LARS2: variants seen among roughly 807,000 people sequenced by gnomAD.
LARS2 encodes the protein leucyl-tRNA synthetase 2, mitochondrial.
LARS2 carries 81 observed loss-of-function variants against 116.6 expected under a neutral mutation model. That is an observed-to-expected ratio of 0.69 (90% confidence interval 0.58 to 0.84). LARS2 has a LOEUF of 0.84. Ranked by LOEUF, LARS2 falls within the 40% of genes least tolerant of loss-of-function variation. LARS2 has a pLI of 0.00. For synonymous variants in LARS2, 396 were observed against 407.2 expected, an observed-to-expected ratio of 0.97 and a Z score of 0.33; for missense variants, 968 against 1,114.5, an observed-to-expected ratio of 0.87 and a Z score of 1.87.
intron 13 of LARS2, among the ~76,000 whole-genome samples, chr3:45,494,498 G>A (rs1559487282): frequency 6.6e-6 from 1 of 152,154 alleles, no homozygotes; most frequent in Non-Finnish European, 1.5e-5. Context: ...CGCAATATTT[G>A]GAGGGGCGAT....
chr3:45,491,746 A>G lies in LARS2; in HGVS notation c.1469A>G (p.Lys490Arg). Residue 490 changes from lysine (K) to arginine (R), a missense_variant, in exon 13 of 22, where the codon AAG becomes AGG. By Grantham distance (26) the Lys-to-Arg change is conservative (BLOSUM62 2). Transcript: ENST00000645846. ...CCCAACATCGCGTCTTTCACTGGCAAGGGAGGCCCCCCACTGGCCATGGCT... is the reference window on the plus strand; with the variant it reads ...CCCAACATCGCGTCTTTCACTGGCAGGGGAGGCCCCCCACTGGCCATGGCT... Reference protein sequence around the residue: ...TLPNIASFTGKGGPPLAMASE... With the variant: ...TLPNIASFTGRGGPPLAMASE... 1 of 1,613,814 alleles carries G rather than the reference A, an allele frequency of 6.2e-7. No homozygotes were observed. The highest frequency in any genetic ancestry group is 8.5e-7 in the Non-Finnish European group (1 of 1,179,754).
chr3:45,446,495 C>A (rs1699021083), intron 6 of LARS2, among the ~76,000 whole-genome samples: 1 of 152,192 alleles, frequency 6.6e-6, no homozygotes, highest in Non-Finnish European at 1.5e-5. Context: ...AAATATTCCT[C>A]ATGAATTTTG....
At position 45,505,566 on chromosome 3, in the gene LARS2, T is replaced by C. The variant is rs549589644; in HGVS notation, c.1760+4987T>C. Among the ~76,000 whole-genome samples the C allele has an allele frequency of 5.5e-4, 84 of 151,504 alleles. 2 individuals are homozygous for C. The highest frequency in any genetic ancestry group is 3.5e-3 in the Middle Eastern group (1 of 288). ...ATGAGCCAGGTGTGGTGGTGCACAC[T>C]TGTAGTCCCAGCTACTTGGGAGTCT... is the stretch of plus-strand genomic sequence containing the variant. On this transcript the variant is annotated intron_variant, in intron 15 of 21. Coordinates refer to ENST00000645846, the MANE Select transcript of LARS2 (RefSeq NM_015340.4).
chr3:45,391,469 G>A (rs1241630780), intron 1 of LARS2, 114 bp from the exon 2 acceptor site: 1 of 148,264 alleles, frequency 6.7e-6, no homozygotes, highest in Admixed American at 6.7e-5. Context: ...TTGCGACAGT[G>A]CGACACTCTG....
At chr3:45,443,251 T>C (rs1698945125) in intron 6 of LARS2, among the ~76,000 whole-genome samples, 2 of 152,316 alleles carry the variant, frequency 1.3e-5, no homozygotes, top group Admixed American at 1.3e-4. Context: ...AATATGAAAA[T>C]AGACTCTTGA....
At position 45,485,992 on chromosome 3, in the gene LARS2, T is replaced by C. The variant is rs7612869; in HGVS notation, c.1123+196T>C. ...TTTTGAAAATATACTAGGTATATTGTACTTTGCTCGTTGCTACTGAGAATA... is the reference window on the plus strand; with the variant it reads ...TTTTGAAAATATACTAGGTATATTGCACTTTGCTCGTTGCTACTGAGAATA... On this transcript the variant is annotated intron_variant, in intron 11 of 21. Transcript: ENST00000645846. Among the ~76,000 whole-genome samples the C allele has an allele frequency of 0.84, 127,663 of 151,952 alleles. 56,038 individuals are homozygous for C. Among genetic ancestry groups the C allele is most frequent in the East Asian group, 0.98 (5,055 of 5,180 alleles).
chr3:45,512,869 A>T (rs1383864621), intron 15 of LARS2, among the ~76,000 whole-genome samples: 1 of 152,180 alleles, frequency 6.6e-6, no homozygotes, highest in African/African-American at 2.4e-5. Context: ...AACTTTTTTT[A>T]GGCCAGGTGG....
At chr3:45,394,291 T>C in intron 2 of LARS2, 142 bp from the exon 3 acceptor site, 2 of 598,842 alleles carry the variant, frequency 3.3e-6, no homozygotes, top group South Asian at 4.3e-5. Context: ...ATTGAATTGC[T>C]AAAGTATTCT....
At chr3:45,393,280 AAAG>A (rs1697988841) in intron 2 of LARS2, among the ~76,000 whole-genome samples, 1 of 152,302 alleles carries the variant, frequency 6.6e-6, no homozygotes, top group East Asian at 1.9e-4. Flanking sequence ...AAGTGCTACG[AAAG>A]AAGGGACTCT....
intron 3 of LARS2, among the ~76,000 whole-genome samples, chr3:45,395,310 T>C (rs1201936298): frequency 6.6e-6 from 1 of 152,172 alleles, no homozygotes; most frequent in East Asian, 1.9e-4. Context: ...GCTACATGAG[T>C]TAGTGGACCC....
chr3:45,525,171 T>C (rs1700514994), intron 20 of LARS2, among the ~76,000 whole-genome samples: 1 of 152,216 alleles, frequency 6.6e-6, no homozygotes, highest in African/African-American at 2.4e-5. Flanking sequence ...TGAGACTTAT[T>C]TTTCCAGGGT....
chr3:45,454,668 C>T (rs1284625952), intron 7 of LARS2, among the ~76,000 whole-genome samples: 3 of 152,158 alleles, frequency 2.0e-5, no homozygotes, highest in Admixed American at 1.3e-4. Context: ...AGCATAAATG[C>T]CAACCAGGGA....
intron 8 of LARS2, among the ~76,000 whole-genome samples, chr3:45,465,082 C>G (rs1296237098): frequency 6.6e-6 from 1 of 152,166 alleles, no homozygotes; most frequent in Non-Finnish European, 1.5e-5. Flanking sequence ...GCCACACCCT[C>G]AGAGCCCTCA....
chr3:45,536,800 C>T (rs111483699), intron 20 of LARS2, among the ~76,000 whole-genome samples: 7,315 of 152,282 alleles, frequency 0.048, 183 homozygotes, highest in Middle Eastern at 0.085. Flanking sequence ...CCCAGAGAAC[C>T]TTTGTCACCA....
intron 4 of LARS2, among the ~76,000 whole-genome samples, chr3:45,403,650 T>C (rs1405830221): frequency 1.3e-5 from 2 of 152,146 alleles, no homozygotes; most frequent in Non-Finnish European, 2.9e-5. Context: ...GTTGAGGGGC[T>C]TGTAGGTGGG....
chr3:45,525,466 A>AACTAAT (rs1309557994), intron 20 of LARS2, among the ~76,000 whole-genome samples: 5 of 152,202 alleles, frequency 3.3e-5, no homozygotes, highest in Non-Finnish European at 7.4e-5. Context: ...GGAAATCAGG[A>AACTAAT]ACTAATCCTA....
chr3:45,546,303 G>A (rs776276556), intron 21 of LARS2, among the ~76,000 whole-genome samples: 11 of 152,188 alleles, frequency 7.2e-5, no homozygotes, highest in Non-Finnish European at 1.6e-4. Flanking sequence ...GAAACACCAG[G>A]GCAGGGGGGC....
chr3:45,461,145 T>C (rs1282036864), intron 8 of LARS2, among the ~76,000 whole-genome samples: 1 of 151,916 alleles, frequency 6.6e-6, no homozygotes, highest in Non-Finnish European at 1.5e-5. Flanking sequence ...GTCTGGGACT[T>C]AAAGGAAAAC....
chr3:45,520,744 G>A (rs1288681994), intron 19 of LARS2, among the ~76,000 whole-genome samples: 1 of 152,228 alleles, frequency 6.6e-6, no homozygotes, highest in Admixed American at 6.5e-5. Context: ...AGCCTTTTCA[G>A]TATGGACTTC....
Sources: allele counts gnomAD v4.1 joint callset (sites outside exome capture counted in the v4.1 genomes callset), GRCh38; gene constraint gnomAD v4.1.1; transcripts MANE v1.5; gene names NCBI Gene and HGNC (gene_info 2026-07-23, HGNC 2026-07-21).